Variants in TMEM117 observed in about 807,000 individuals in gnomAD.
The protein encoded by TMEM117 is transmembrane protein 117.
Under a neutral mutation model 52.4 loss-of-function variants are expected in TMEM117, and 27 were observed. The ratio of observed to expected loss-of-function variants is 0.51; its 90% CI spans 0.38 to 0.71. TMEM117 has a LOEUF of 0.71. Ranked by LOEUF, TMEM117 falls within the 30% of genes least tolerant of loss-of-function variation. The pLI is 0.00. For missense variants in TMEM117, 556 were observed against 630.5 expected (o/e 0.88, Z 1.26); for synonymous variants, 215 against 206.3 (o/e 1.04, Z -0.36).
intron 4 of TMEM117, among the ~76,000 whole-genome samples, chr12:44,166,213 A>C (rs1234617240): frequency 1.3e-5 from 2 of 152,218 alleles, no homozygotes; most frequent in Non-Finnish European, 2.9e-5. Flanking sequence ...TATGAGATAC[A>C]GCAAAAGCAG....
intron 3 of TMEM117, among the ~76,000 whole-genome samples, chr12:44,132,980 A>C (rs1254797725): frequency 6.6e-6 from 1 of 152,204 alleles, no homozygotes; most frequent in Non-Finnish European, 1.5e-5. Context: ...AGATGGTAAG[A>C]GCAAGTACAA....
intron 3 of TMEM117, among the ~76,000 whole-genome samples, chr12:44,123,715 G>A (rs1197412837): frequency 6.6e-6 from 1 of 152,110 alleles, no homozygotes; most frequent in Non-Finnish European, 1.5e-5. Context: ...GGTTGTAGGT[G>A]TGTGGTCTTA....
At chr12:44,165,794 A>T (rs1948958739) in intron 4 of TMEM117, among the ~76,000 whole-genome samples, 1 of 152,198 alleles carries the variant, frequency 6.6e-6, no homozygotes, top group Admixed American at 6.5e-5. Context: ...TTAACACCCC[A>T]CTCTCAGCAT....
chr12:44,059,181 C>A (rs1947101640), intron 3 of TMEM117, among the ~76,000 whole-genome samples: 1 of 152,122 alleles, frequency 6.6e-6, no homozygotes, highest in African/African-American at 2.4e-5. Context: ...TGCTTTGTGG[C>A]CTGGTTCCTA....
chr12:44,192,766 C>T (rs1038859658), intron 4 of TMEM117, among the ~76,000 whole-genome samples: 20 of 152,298 alleles, frequency 1.3e-4, no homozygotes, highest in African/African-American at 4.3e-4. Context: ...TAATCTGCAT[C>T]CTGGCTCTGC....
chr12:44,004,753 C>T (rs185007013), intron 3 of TMEM117, among the ~76,000 whole-genome samples: 5 of 152,272 alleles, frequency 3.3e-5, no homozygotes, highest in Admixed American at 1.3e-4. Context: ...CACCTCCCCT[C>T]CATTTTCAGG....
chr12:44,115,447 T>G (rs1948124291), intron 3 of TMEM117, among the ~76,000 whole-genome samples: 1 of 152,162 alleles, frequency 6.6e-6, no homozygotes, highest in Non-Finnish European at 1.5e-5. Flanking sequence ...CCCTAGAACT[T>G]AAAGTACAAT....
At chr12:43,898,938 G>A (rs1944259087) in intron 2 of TMEM117, among the ~76,000 whole-genome samples, 1 of 152,212 alleles carries the variant, frequency 6.6e-6, no homozygotes. Flanking sequence ...AGCCAAGAAA[G>A]ACAGCGGTCA....
chr12:43,962,672 G>T (rs1267118410), intron 3 of TMEM117, among the ~76,000 whole-genome samples: 1 of 152,152 alleles, frequency 6.6e-6, no homozygotes, highest in African/African-American at 2.4e-5. Flanking sequence ...TGTAAACCCA[G>T]CACTTTGGGA....
intron 4 of TMEM117, among the ~76,000 whole-genome samples, chr12:44,182,975 A>C (rs1455215374): frequency 6.6e-6 from 1 of 152,214 alleles, no homozygotes; most frequent in African/African-American, 2.4e-5. Context: ...ATATTTAAGG[A>C]TAATAAAATA....
At chr12:43,809,066 A>G in the TMEM117 span, among the ~76,000 whole-genome samples, 1 of 152,222 alleles carries the variant, frequency 6.6e-6, no homozygotes, top group Admixed American at 6.5e-5. Flanking sequence ...TGTGTGGTCA[A>G]TTGCCAAATA....
chr12:44,150,030 G>C (rs540900160), intron 4 of TMEM117, among the ~76,000 whole-genome samples: 2 of 152,184 alleles, frequency 1.3e-5, no homozygotes, highest in East Asian at 1.9e-4. Context: ...CATTCCTCTG[G>C]GTCTTTCTCT....
At chr12:44,028,986 G>A (rs1946588891) in intron 3 of TMEM117, among the ~76,000 whole-genome samples, 1 of 152,148 alleles carries the variant, frequency 6.6e-6, no homozygotes, top group South Asian at 2.1e-4. Flanking sequence ...AACCCTGAAG[G>A]GATGATACTG....
the TMEM117 span, among the ~76,000 whole-genome samples, chr12:43,816,739 C>T: frequency 1.3e-5 from 2 of 152,212 alleles, no homozygotes; most frequent in African/African-American, 4.8e-5. Flanking sequence ...TTAAAATTAA[C>T]TGCACTATGA....
At chr12:44,246,270 A>G (rs775257081) in intron 5 of TMEM117, among the ~76,000 whole-genome samples, 1 of 152,198 alleles carries the variant, frequency 6.6e-6, no homozygotes, top group African/African-American at 2.4e-5. Flanking sequence ...ACTAAATAAT[A>G]AGATATTCTG....
At chr12:44,277,346 A>G (rs1950526808) in intron 5 of TMEM117, among the ~76,000 whole-genome samples, 1 of 152,136 alleles carries the variant, frequency 6.6e-6, no homozygotes. Flanking sequence ...GATCCCAAGT[A>G]TCCTAAATTT....
intron 3 of TMEM117, among the ~76,000 whole-genome samples, chr12:43,955,564 T>C (rs368055727): frequency 3.3e-5 from 5 of 152,080 alleles, no homozygotes; most frequent in Non-Finnish European, 7.4e-5. Flanking sequence ...GAATAAAATA[T>C]CTTGGAATAC....
chr12:44,377,517 G>T (rs932367480), intron 7 of TMEM117, among the ~76,000 whole-genome samples: 8 of 152,130 alleles, frequency 5.3e-5, no homozygotes, highest in African/African-American at 1.4e-4. Context: ...GCTAAAATAT[G>T]ATTTATTGTA....
chr12:43,894,571 G>A (rs1038893819), intron 2 of TMEM117, among the ~76,000 whole-genome samples: 2 of 151,502 alleles, frequency 1.3e-5, no homozygotes, highest in African/African-American at 2.4e-5. Context: ...CCTCCAATAG[G>A]CCCCAGTGTA....
Sources: allele counts gnomAD v4.1 joint callset (sites outside exome capture counted in the v4.1 genomes callset), GRCh38; gene constraint gnomAD v4.1.1; transcripts MANE v1.5; gene names NCBI Gene and HGNC (gene_info 2026-07-23, HGNC 2026-07-21).